SPATA16: variants seen among roughly 807,000 people sequenced by gnomAD.
The protein encoded by SPATA16 is spermatogenesis-associated protein 16.
A neutral mutation model predicts 63.3 loss-of-function variants in SPATA16; 36 were observed. That is an observed-to-expected ratio of 0.57 (90% CI 0.44 to 0.75). The LOEUF (loss-of-function observed/expected upper bound fraction) is 0.75. SPATA16 is among the 30% of genes least tolerant of loss of function. The pLI is 0.00. For synonymous variants in SPATA16, 203 were observed against 216.7 expected (o/e 0.94, Z 0.56); for missense variants, 646 against 679.3 (o/e 0.95, Z 0.54).
chr3:172,991,281 C>G (rs1734571564), intron 4 of SPATA16, among the ~76,000 whole-genome samples: 1 of 152,140 alleles, frequency 6.6e-6, no homozygotes, highest in Non-Finnish European at 1.5e-5. Flanking sequence ...GTTTAGTACT[C>G]TATGAAGAGA....
chr3:173,080,537 A>G (rs1295474857), intron 2 of SPATA16, among the ~76,000 whole-genome samples: 1 of 152,114 alleles, frequency 6.6e-6, no homozygotes, highest in African/African-American at 2.4e-5. Flanking sequence ...GGATGACGGG[A>G]AAGTGAGGCC....
rs556949341 is a variant in SPATA16 at position 172,896,196 on chromosome 3, C to A, written c.1588-6504G>T. Reference sequence around the variant, plus strand: ...TTAGGCTTTATAATAGTGATGTTATCCCCAGGTTATATTTAGTTTTATTTA... The same window carrying A: ...TTAGGCTTTATAATAGTGATGTTATACCCAGGTTATATTTAGTTTTATTTA... On this transcript the variant is annotated intron_variant, in intron 10 of 10. Transcript: ENST00000351008. Among the ~76,000 whole-genome samples, 3 of 151,868 alleles carry A rather than the reference C, an allele frequency of 2.0e-5. No homozygotes were observed. The East Asian group carries it at 5.8e-4, about 29-fold the overall frequency.
intron 5 of SPATA16, among the ~76,000 whole-genome samples, chr3:172,968,689 C>T (rs572437138): frequency 6.6e-6 from 1 of 152,244 alleles, no homozygotes; most frequent in East Asian, 1.9e-4. Context: ...ACTATACAAC[C>T]AGCAAATAAT....
chr3:172,905,690 A>ACTT (rs57804970), intron 10 of SPATA16, among the ~76,000 whole-genome samples: 14,812 of 152,258 alleles, frequency 0.097, 825 homozygotes, highest in African/African-American at 0.15. Context: ...TATGATTCAT[A>ACTT]AGTTAAGATT....
intron 2 of SPATA16, among the ~76,000 whole-genome samples, chr3:173,114,180 A>C (rs1238067383): frequency 1.3e-5 from 1 of 78,372 alleles, no homozygotes; most frequent in South Asian, 3.9e-4. Context: ...ACTCCATCTC[A>C]AAAAAAAAAA....
intron 10 of SPATA16, among the ~76,000 whole-genome samples, chr3:172,890,558 C>T (rs926348019): frequency 6.6e-6 from 1 of 152,134 alleles, no homozygotes; most frequent in African/African-American, 2.4e-5. Flanking sequence ...AACGTATCAT[C>T]ACTTAAGATA....
intron 8 of SPATA16, among the ~76,000 whole-genome samples, chr3:172,921,059 C>CT (rs1207872341): frequency 0.072 from 9,855 of 137,202 alleles, 411 homozygotes; most frequent in Admixed American, 0.12. Flanking sequence ...TTGTTTTTGT[C>CT]TTTTTTTTTT....
chr3:172,987,179 A>C (rs1341284562), intron 4 of SPATA16, among the ~76,000 whole-genome samples: 1 of 152,194 alleles, frequency 6.6e-6, no homozygotes, highest in African/African-American at 2.4e-5. Context: ...GGAAACCATA[A>C]ATGATAAAAG....
chr3:172,975,917 T>TG (rs1188720709), intron 5 of SPATA16, among the ~76,000 whole-genome samples: 11 of 151,530 alleles, frequency 7.3e-5, no homozygotes, highest in Non-Finnish European at 1.3e-4. Context: ...GTAGTGAAAA[T>TG]GTGGGGGGAA....
At chr3:173,110,608 T>C (rs1042181548) in intron 2 of SPATA16, among the ~76,000 whole-genome samples, 1 of 152,216 alleles carries the variant, frequency 6.6e-6, no homozygotes, top group Non-Finnish European at 1.5e-5. Flanking sequence ...ATTATGTTTT[T>C]CAATAAACAA....
intron 2 of SPATA16, among the ~76,000 whole-genome samples, chr3:173,075,158 A>T (rs888001364): frequency 1.0e-4 from 15 of 147,724 alleles, no homozygotes; most frequent in Non-Finnish European, 1.3e-4. Context: ...TGAAATTATA[A>T]AAAAAAAAGG....
intron 2 of SPATA16, among the ~76,000 whole-genome samples, chr3:173,105,305 C>T (rs1432025157): frequency 1.3e-5 from 2 of 152,178 alleles, no homozygotes; most frequent in African/African-American, 4.8e-5. Flanking sequence ...CAGACCCATT[C>T]TTGAGAAAGG....
intron 10 of SPATA16, among the ~76,000 whole-genome samples, chr3:172,907,785 C>T (rs1013770735): frequency 1.3e-5 from 2 of 152,010 alleles, no homozygotes; most frequent in African/African-American, 4.8e-5. Flanking sequence ...ACCATGTTAG[C>T]CAGGCTGGTC....
intron 2 of SPATA16, among the ~76,000 whole-genome samples, chr3:173,096,087 T>A (rs1295182089): frequency 2.0e-5 from 3 of 152,090 alleles, no homozygotes; most frequent in Non-Finnish European, 4.4e-5. Flanking sequence ...AGCTTTCTGA[T>A]TTTTATAGAC....
Position 173,044,503 on chromosome 3 carries a change from A to AT in SPATA16, c.758+4445dup. Among the ~76,000 whole-genome samples, 3 of 152,198 alleles carry AT rather than the reference A, an allele frequency of 2.0e-5. No individual in the cohort carries two copies. In the Middle Eastern group the frequency reaches 0.01, roughly 518 times the overall value. The stretch of plus-strand genomic sequence containing the variant: ...TCTCATCTCTTCACTCATTACAACT[A>AT]TTTTTACCTTAAGATCCTTGAATGT... On this transcript the variant is annotated intron_variant, in intron 3 of 10. Coordinates refer to ENST00000351008, the MANE Select transcript of SPATA16 (RefSeq NM_031955.6).
At chr3:172,917,685 G>A (rs977700612) in intron 8 of SPATA16, among the ~76,000 whole-genome samples, 2 of 152,312 alleles carry the variant, frequency 1.3e-5, no homozygotes, top group East Asian at 3.9e-4. Flanking sequence ...TAGTATCTGA[G>A]TAAAGACTAT....
intron 4 of SPATA16, among the ~76,000 whole-genome samples, chr3:172,992,016 G>C (rs187483042): frequency 1.3e-5 from 2 of 152,274 alleles, no homozygotes; most frequent in Admixed American, 1.3e-4. Context: ...TTACAGGGTA[G>C]TCTCGCCTTT....
At chr3:172,925,568 C>T in intron 6 of SPATA16, 76 bp from the exon 7 acceptor site, 1 of 1,582,756 alleles carries the variant, frequency 6.3e-7, no homozygotes, top group Non-Finnish European at 8.7e-7. Context: ...CCCCAGATTT[C>T]AGGAATTGTA....
intron 6 of SPATA16, among the ~76,000 whole-genome samples, chr3:172,927,471 C>T (rs1043160853): frequency 2.0e-5 from 3 of 152,140 alleles, no homozygotes; most frequent in African/African-American, 7.2e-5. Context: ...TCTTTGGTGA[C>T]TTAGGATCAA....
Sources: gnomAD v4.1 joint callset for allele counts (sites outside exome capture counted in the v4.1 genomes callset) on GRCh38, gnomAD v4.1.1 for gene constraint, MANE v1.5 for transcripts, NCBI Gene and HGNC (gene_info 2026-07-23, HGNC 2026-07-21) for gene names.